Variants in DIAPH3 observed in about 807,000 individuals in gnomAD.
DIAPH3 encodes diaphanous related formin 3.
A neutral mutation model predicts 144.3 loss-of-function variants in DIAPH3; 117 were observed. That is an observed-to-expected ratio of 0.81 (90% CI 0.70 to 0.95). The LOEUF (loss-of-function observed/expected upper bound fraction) is 0.95. Among genes scored for constraint, DIAPH3 ranks in the 40% least tolerant of loss-of-function variants. The pLI is 0.00. For missense variants in DIAPH3, 1,421 were observed against 1,412.7 expected (o/e 1.01, Z -0.09); for synonymous variants, 519 against 488.9 (o/e 1.06, Z -0.81).
intron 17 of DIAPH3, among the ~76,000 whole-genome samples, chr13:59,931,675 T>C (rs2048026442): frequency 6.6e-6 from 1 of 152,194 alleles, no homozygotes; most frequent in South Asian, 2.1e-4. Flanking sequence ...TGTATGTATG[T>C]ATGAATTGGC....
intron 4 of DIAPH3, among the ~76,000 whole-genome samples, chr13:60,046,673 G>A (rs11838732): frequency 0.016 from 2,392 of 152,184 alleles, 63 homozygotes; most frequent in East Asian, 0.1. Flanking sequence ...ACATGCACAC[G>A]TATGTTTATT....
At chr13:59,736,323 A>C (rs967646919) in intron 27 of DIAPH3, among the ~76,000 whole-genome samples, 1 of 152,116 alleles carries the variant, frequency 6.6e-6, no homozygotes, top group African/African-American at 2.4e-5. Flanking sequence ...GGATTGCTGG[A>C]TTGAATGGTA....
At chr13:59,716,427 T>G (rs373277463) in intron 27 of DIAPH3, among the ~76,000 whole-genome samples, 18 of 152,186 alleles carry the variant, frequency 1.2e-4, no homozygotes, top group Non-Finnish European at 1.3e-4. Context: ...TGCCCGCCTT[T>G]GCCTCCCAAA....
chr13:59,745,483 A>G (rs563983343), intron 27 of DIAPH3, among the ~76,000 whole-genome samples: 1 of 152,238 alleles, frequency 6.6e-6, no homozygotes, highest in Non-Finnish European at 1.5e-5. Flanking sequence ...CTCACAAAAA[A>G]AAATGACTAG....
chr13:59,783,353 CTTTG>C (rs1349802042), intron 25 of DIAPH3, among the ~76,000 whole-genome samples: 1 of 152,110 alleles, frequency 6.6e-6, no homozygotes, highest in African/African-American at 2.4e-5. Flanking sequence ...ACAGAACCGT[CTTTG>C]TTTGATGATA....
At chr13:59,892,216 T>C (rs965088747) in intron 20 of DIAPH3, among the ~76,000 whole-genome samples, 2 of 151,844 alleles carry the variant, frequency 1.3e-5, no homozygotes, top group Non-Finnish European at 2.9e-5. Flanking sequence ...ATCATTATAA[T>C]GAAAACTTCT....
chr13:60,051,617 A>G (rs949145832), intron 4 of DIAPH3, among the ~76,000 whole-genome samples: 5 of 146,560 alleles, frequency 3.4e-5, no homozygotes, highest in Admixed American at 2.7e-4. Context: ...ACTCCGTCTC[A>G]AAAAAAAACA....
chr13:60,144,315 C>T (rs1245187522), intron 1 of DIAPH3, among the ~76,000 whole-genome samples: 2 of 152,138 alleles, frequency 1.3e-5, no homozygotes, highest in Non-Finnish European at 2.9e-5. Context: ...TAATGTGCAA[C>T]CTGGAAACAA....
intron 22 of DIAPH3, among the ~76,000 whole-genome samples, chr13:59,847,759 T>C (rs958486002): frequency 9.2e-5 from 14 of 152,212 alleles, no homozygotes; most frequent in African/African-American, 3.4e-4. Flanking sequence ...AGACTAGTTT[T>C]CACTTGCTGC....
At chr13:60,098,299 C>T (rs2137950913) in intron 3 of DIAPH3, among the ~76,000 whole-genome samples, 1 of 152,214 alleles carries the variant, frequency 6.6e-6, no homozygotes, top group South Asian at 2.1e-4. Flanking sequence ...GGTGGATTCT[C>T]ACTTCACCCT....
chr13:60,070,777 T>C (rs1175313421), intron 4 of DIAPH3, among the ~76,000 whole-genome samples: 1 of 152,186 alleles, frequency 6.6e-6, no homozygotes, highest in Non-Finnish European at 1.5e-5. Context: ...TTTATGTCAG[T>C]ACTAGAAAAT....
intron 3 of DIAPH3, among the ~76,000 whole-genome samples, chr13:60,101,945 CT>C (rs2058279378): frequency 6.6e-6 from 1 of 152,170 alleles, no homozygotes; most frequent in Non-Finnish European, 1.5e-5. Context: ...TAGTCTCTCT[CT>C]TTTCACATTT....
At chr13:59,953,748 G>A (rs2049225971) in intron 17 of DIAPH3, among the ~76,000 whole-genome samples, 1 of 152,180 alleles carries the variant, frequency 6.6e-6, no homozygotes, top group South Asian at 2.1e-4. Flanking sequence ...ACAAATGCCA[G>A]ACTGAGAAGT....
At chr13:59,765,998 C>T (rs1289995649) in intron 27 of DIAPH3, among the ~76,000 whole-genome samples, 1 of 152,194 alleles carries the variant, frequency 6.6e-6, no homozygotes, top group Non-Finnish European at 1.5e-5. Context: ...AGCAGAAACA[C>T]TGGTGAACCA....
At chr13:59,690,629 C>T (rs537490126) in intron 27 of DIAPH3, among the ~76,000 whole-genome samples, 14 of 152,136 alleles carry the variant, frequency 9.2e-5, no homozygotes, top group Non-Finnish European at 2.1e-4. Context: ...CCATTTATAA[C>T]ATTCTTTCTA....
chr13:59,784,081 A>ATTAT (rs1449372237), intron 25 of DIAPH3, among the ~76,000 whole-genome samples: 11 of 152,048 alleles, frequency 7.2e-5, no homozygotes, highest in Admixed American at 3.9e-4. Flanking sequence ...ATATATTACT[A>ATTAT]TTATTTATTT....
intron 4 of DIAPH3, among the ~76,000 whole-genome samples, chr13:60,053,270 A>G (rs1365940318): frequency 6.6e-6 from 1 of 152,118 alleles, no homozygotes; most frequent in Non-Finnish European, 1.5e-5. Flanking sequence ...CTTTAAGTCC[A>G]TTAGCCATGA....
At chr13:60,039,674 TTC>T (rs1318930859) in intron 5 of DIAPH3, among the ~76,000 whole-genome samples, 1 of 152,206 alleles carries the variant, frequency 6.6e-6, no homozygotes, top group African/African-American at 2.4e-5. Context: ...CAGTTCAATT[TTC>T]TTTTTTGTTC....
At chr13:59,895,156 C>T (rs1174128155) in intron 20 of DIAPH3, among the ~76,000 whole-genome samples, 4 of 152,006 alleles carry the variant, frequency 2.6e-5, no homozygotes, top group African/African-American at 9.7e-5. Flanking sequence ...AAGGAATTTC[C>T]TAACATATAA....
Sources: gnomAD v4.1 joint callset for allele counts (sites outside exome capture counted in the v4.1 genomes callset) on GRCh38, gnomAD v4.1.1 for gene constraint, MANE v1.5 for transcripts, NCBI Gene and HGNC (gene_info 2026-07-23, HGNC 2026-07-21) for gene names.